CFAP221: variants seen among roughly 807,000 people sequenced by gnomAD.
CFAP221 encodes the protein cilia and flagella associated protein 221.
In CFAP221, 97 loss-of-function variants were observed where a neutral mutation model predicts 113.1. That is an observed-to-expected ratio of 0.86 (90% confidence interval 0.73 to 1.02). The LOEUF is 1.02. CFAP221 is among the 50% of genes least tolerant of loss of function. The pLI is 0.00. For missense variants in CFAP221, 1,025 were observed against 1,013.4 expected, an observed-to-expected ratio of 1.01 and a Z score of -0.16; for synonymous variants, 331 against 354.4, an observed-to-expected ratio of 0.93 and a Z score of 0.74.
At chr2:119,550,449 T>C (rs1391460251) in intron 3 of CFAP221, among the ~76,000 whole-genome samples, 2 of 152,174 alleles carry the variant, frequency 1.3e-5, no homozygotes, top group Non-Finnish European at 2.9e-5. Context: ...AGGTGCCAAG[T>C]ATTTCCTCTT....
intron 6 of CFAP221, among the ~76,000 whole-genome samples, chr2:119,565,848 G>C (rs1023464884): frequency 1.3e-5 from 2 of 152,158 alleles, no homozygotes; most frequent in African/African-American, 4.8e-5. Context: ...ACTAGAACAC[G>C]TTTTCAGCTA....
chr2:119,546,193 C>T lies in CFAP221; in HGVS notation c.62C>T (p.Ala21Val), dbSNP rs1471344213. 2 of 1,535,724 alleles carry T rather than the reference C, an allele frequency of 1.3e-6. No homozygotes were observed. The highest frequency in any genetic ancestry group is 2.4e-5 in the East Asian group (1 of 40,896). Residue 21 changes from alanine to valine, a missense_variant, in exon 2 of 24, where the codon GCA (alanine) becomes GTA (valine). Coordinates refer to ENST00000413369, the MANE Select transcript of CFAP221 (RefSeq NM_001271049.2). Reference sequence around the variant, plus strand: ...AATGCTAAAGAACCCTTTAATAATGCATCACCCCATCTCTTGAAGAACCTA... The same window carrying T: ...AATGCTAAAGAACCCTTTAATAATGTATCACCCCATCTCTTGAAGAACCTA... ...LKNAKEPFNN[A>V]SPHLLKNLVE...
At chr2:119,553,204 T>C (rs969402282) in intron 3 of CFAP221, among the ~76,000 whole-genome samples, 2 of 151,844 alleles carry the variant, frequency 1.3e-5, no homozygotes, top group African/African-American at 4.8e-5. Flanking sequence ...TGGAGGCGTG[T>C]GGAGGAGAGG....
chr2:119,619,316 C>T (rs898529882), intron 14 of CFAP221, among the ~76,000 whole-genome samples: 2 of 152,212 alleles, frequency 1.3e-5, no homozygotes, highest in African/African-American at 4.8e-5. Flanking sequence ...CAGGGGTCTA[C>T]AAATACCTCA....
intron 2 of CFAP221, among the ~76,000 whole-genome samples, chr2:119,548,125 A>C (rs1680178415): frequency 6.6e-6 from 1 of 152,026 alleles, no homozygotes; most frequent in Non-Finnish European, 1.5e-5. Context: ...TACCACACCC[A>C]GCTAATTTTA....
At chr2:119,571,303 C>T (rs1168720003) in intron 6 of CFAP221, among the ~76,000 whole-genome samples, 2 of 151,838 alleles carry the variant, frequency 1.3e-5, no homozygotes, top group African/African-American at 2.4e-5. Context: ...CCACACTCAA[C>T]TAATTTTTGT....
At chr2:119,546,374 TTTTATAGGC>T in intron 2 of CFAP221, 104 bp downstream of exon 2, 1 of 1,260,606 alleles carries the variant, frequency 7.9e-7, no homozygotes, top group Non-Finnish European at 1.1e-6. Flanking sequence ...ATCTATATCA[TTTTATAGGC>T]TTATACTAAT....
chr2:119,567,125 A>G (rs1258642505), intron 6 of CFAP221, among the ~76,000 whole-genome samples: 1 of 152,166 alleles, frequency 6.6e-6, no homozygotes, highest in East Asian at 1.9e-4. Context: ...ACCTACATTG[A>G]CACATCATTA....
chr2:119,647,677 T>G (rs900771195), intron 22 of CFAP221, among the ~76,000 whole-genome samples: 1 of 152,202 alleles, frequency 6.6e-6, no homozygotes, highest in East Asian at 1.9e-4. Flanking sequence ...TGCCTCTAGA[T>G]CTGAGTCATT....
At chr2:119,637,857 G>A (rs781306614) in intron 19 of CFAP221, among the ~76,000 whole-genome samples, 2 of 152,110 alleles carry the variant, frequency 1.3e-5, no homozygotes, top group Non-Finnish European at 2.9e-5. Flanking sequence ...GCTTTTAAAA[G>A]CCTATTTTTG....
chr2:119,547,384 AC>A (rs199873540), intron 2 of CFAP221, among the ~76,000 whole-genome samples: 1 of 152,000 alleles, frequency 6.6e-6, no homozygotes, highest in Admixed American at 6.6e-5. Context: ...ACATGGTGAA[AC>A]CCCAACTCTA....
chr2:119,557,035 G>T (rs1231969461), intron 3 of CFAP221: 2 of 152,234 alleles, frequency 1.3e-5, no homozygotes, highest in African/African-American at 4.8e-5. Context: ...AGTCTTGGGA[G>T]TTTAGGTTCC....
At position 119,615,646 on chromosome 2, in the gene CFAP221, C is replaced by T. The variant is rs553398848; in HGVS notation, c.1347C>T (p.Leu449=). 2 of 1,612,124 alleles carry T rather than the reference C, an allele frequency of 1.2e-6. No individual in the cohort carries two copies. Among genetic ancestry groups the T allele is most frequent in the East Asian group, 4.5e-5 (2 of 44,754 alleles). Residue 449 remains leucine, a synonymous_variant, in exon 14 of 24, where the codon CTC becomes CTT. Transcript: ENST00000413369. ...IKEFHPTFDP[L]INNTWLSRSR... is the part of the protein sequence containing the mutation. ...AATTTCATCCTACTTTTGATCCACT[C>T]ATTAATAACACTTGGCTCAGCAGGT...
chr2:119,601,245 C>G lies in CFAP221; in HGVS notation c.659C>G (p.Thr220Ser). Residue 220 changes from threonine (T) to serine (S), a missense_variant, in exon 8 of 24, where the codon ACT becomes AGT. Transcript: ENST00000413369. ...SGIIPANGKM[T>S]VTIKFTPFQY... ...ATAATTCCGGCTAATGGGAAGATGA[C>G]TGTGACTATTAAGTTTACACCCTTT... The G allele has an allele frequency of 1.3e-6, 2 of 1,530,144 alleles. No individual in the cohort carries two copies. Among genetic ancestry groups the G allele is most frequent in the Non-Finnish European group, 1.7e-6 (2 of 1,143,026 alleles). 94.8% of individuals were successfully genotyped at this position (1,530,144 alleles called of 1,614,324 possible).
At chr2:119,646,905 C>G in intron 21 of CFAP221, 53 bp from the exon 22 acceptor site, 2 of 1,489,988 alleles carry the variant, frequency 1.3e-6, no homozygotes, top group South Asian at 1.2e-5. Flanking sequence ...TGTAAAGACC[C>G]CAAGACTTCT....
chr2:119,545,801 G>A (rs1229028187), intron 1 of CFAP221, among the ~76,000 whole-genome samples: 1 of 152,150 alleles, frequency 6.6e-6, no homozygotes, highest in East Asian at 1.9e-4. Context: ...CCCCTGCAAT[G>A]AACTCAAGAA....
chr2:119,596,349 C>T (rs893148814), intron 7 of CFAP221, among the ~76,000 whole-genome samples: 1 of 152,192 alleles, frequency 6.6e-6, no homozygotes, highest in African/African-American at 2.4e-5. Flanking sequence ...CCTCCAGTCG[C>T]CCTGCCCTCC....
chr2:119,654,405 C>G (rs1372274535), intron 23 of CFAP221, among the ~76,000 whole-genome samples: 1 of 138,796 alleles, frequency 7.2e-6, no homozygotes, highest in Non-Finnish European at 1.6e-5. Context: ...AAATGAAAAC[C>G]TTTTTTTTTT....
chr2:119,656,543 C>A lies in CFAP221; in HGVS notation c.*73C>A. 2 of 941,776 alleles carry A rather than the reference C, an allele frequency of 2.1e-6. No homozygotes were observed. Among genetic ancestry groups the A allele is most frequent in the Non-Finnish European group, 1.7e-6 (1 of 596,218 alleles). The allele number at this position is 941,776 out of a possible 1,614,324, so 58.3% of individuals were successfully genotyped here. On this transcript the variant is annotated 3_prime_UTR_variant, in exon 24 of 24. Transcript: ENST00000413369. ...GTGGCCCCTTGCGTCCATTTACATG[C>A]CAGCCATCTCTGCAATTAAAGTTTC...
Sources: gnomAD v4.1 joint callset for allele counts (sites outside exome capture counted in the v4.1 genomes callset) on GRCh38, gnomAD v4.1.1 for gene constraint, MANE v1.5 for transcripts, NCBI Gene and HGNC (gene_info 2026-07-23, HGNC 2026-07-21) for gene names.